NRG1: variants seen among roughly 807,000 people sequenced by gnomAD.
NRG1 encodes pro-neuregulin-1, membrane-bound isoform.
A neutral mutation model predicts 63.8 loss-of-function variants in NRG1; 18 were observed. The observed-to-expected ratio is 0.28, with a 90% confidence interval of 0.19 to 0.42. The LOEUF (loss-of-function observed/expected upper bound fraction) is 0.42, where lower values mean the gene tolerates loss of function less well. Among genes scored for constraint, NRG1 ranks in the 10% least tolerant of loss-of-function variants. The pLI, the probability that NRG1 is intolerant of heterozygous loss-of-function variation, is 1.00. For synonymous variants in NRG1, 302 were observed against 301.3 expected, an observed-to-expected ratio of 1.00 and a Z score of -0.02; for missense variants, 762 against 814.7, an observed-to-expected ratio of 0.94 and a Z score of 0.79.
At chr8:32,539,081 G>A (rs926753933) in intron 1 of NRG1, among the ~76,000 whole-genome samples, 1 of 152,110 alleles carries the variant, frequency 6.6e-6, no homozygotes, top group African/African-American at 2.4e-5. Flanking sequence ...GAAAATATAA[G>A]AGGCTAGAAA....
At chr8:31,860,906 T>C (rs1330603839) in intron 1 of NRG1, among the ~76,000 whole-genome samples, 2 of 152,146 alleles carry the variant, frequency 1.3e-5, no homozygotes, top group Admixed American at 6.6e-5. Context: ...CAGTGTCGAA[T>C]AGGGTAGGAG....
intron 1 of NRG1, among the ~76,000 whole-genome samples, chr8:31,851,496 A>G (rs1364222475): frequency 3.3e-5 from 5 of 152,208 alleles, no homozygotes; most frequent in Admixed American, 2.6e-4. Flanking sequence ...ATTACACTGA[A>G]AGGCATTTTA....
intron 5 of NRG1, among the ~76,000 whole-genome samples, chr8:32,692,418 G>C (rs1811994019): frequency 1.3e-5 from 2 of 152,126 alleles, no homozygotes; most frequent in African/African-American, 4.8e-5. Context: ...CAATCTAACT[G>C]TTTTGCTTCC....
At position 32,078,581 on chromosome 8, in the gene NRG1, T is replaced by C. The variant is rs145975314; in HGVS notation, c.37+439150T>C. 3.2e-3 allele frequency among the ~76,000 whole-genome samples: 486 copies of C among 152,304 alleles called. 1 individual carries two copies. The highest frequency in any genetic ancestry group is 0.011 in the African/African-American group (471 of 41,570). Reference sequence around the variant, plus strand: ...GTTCTAGGGTAGCCCCTGGTATCCATTGAAGACTCTGACCGTGAGCTCTGC... The same window carrying C: ...GTTCTAGGGTAGCCCCTGGTATCCACTGAAGACTCTGACCGTGAGCTCTGC... On this transcript the variant is annotated intron_variant, in intron 1 of 10. Coordinates refer to the NRG1 transcript ENST00000519301.
intron 1 of NRG1, among the ~76,000 whole-genome samples, chr8:31,978,847 T>C (rs1808616405): frequency 6.6e-6 from 1 of 152,186 alleles, no homozygotes; most frequent in South Asian, 2.1e-4. Context: ...TCATAATTAA[T>C]CATATAGTTC....
At chr8:31,840,589 A>G (rs1180486116) in intron 1 of NRG1, among the ~76,000 whole-genome samples, 1 of 152,084 alleles carries the variant, frequency 6.6e-6, no homozygotes, top group Non-Finnish European at 1.5e-5. Context: ...TACTTGATCC[A>G]TAATCTTCTG....
At chr8:32,173,255 A>C (rs1462363664) in intron 1 of NRG1, among the ~76,000 whole-genome samples, 1 of 152,132 alleles carries the variant, frequency 6.6e-6, no homozygotes, top group East Asian at 1.9e-4. Context: ...TCATAAGTGA[A>C]GGAGAAATAA....
chr8:31,797,703 A>G (rs1345732616), intron 1 of NRG1, among the ~76,000 whole-genome samples: 1 of 152,166 alleles, frequency 6.6e-6, no homozygotes, highest in Non-Finnish European at 1.5e-5. Context: ...AGCACTGTAT[A>G]TTTATTTATT....
At chr8:32,733,373 A>G (rs1446163625) in intron 6 of NRG1, among the ~76,000 whole-genome samples, 1 of 152,238 alleles carries the variant, frequency 6.6e-6, no homozygotes, top group Admixed American at 6.5e-5. Flanking sequence ...TATAAGAGAC[A>G]GGTATGAAAA....
At chr8:31,843,403 C>A (rs1445948401) in intron 1 of NRG1, among the ~76,000 whole-genome samples, 1 of 152,132 alleles carries the variant, frequency 6.6e-6, no homozygotes, top group Non-Finnish European at 1.5e-5. Context: ...AACATTTCTC[C>A]AATTTTCAGC....
chr8:32,006,594 G>A (rs902346111), intron 1 of NRG1, among the ~76,000 whole-genome samples: 1 of 151,978 alleles, frequency 6.6e-6, no homozygotes, highest in African/African-American at 2.4e-5. Flanking sequence ...GTGTATAAAG[G>A]ACTTGAGCTG....
chr8:31,716,127 T>A (rs1812323926), intron 1 of NRG1, among the ~76,000 whole-genome samples: 1 of 152,196 alleles, frequency 6.6e-6, no homozygotes, highest in Non-Finnish European at 1.5e-5. Context: ...GTAATGATAG[T>A]CAGAGGGAGA....
chr8:32,106,862 G>A (rs557945502), intron 1 of NRG1, among the ~76,000 whole-genome samples: 49 of 152,156 alleles, frequency 3.2e-4, no homozygotes, highest in Non-Finnish European at 6.0e-4. Flanking sequence ...CTGTAAATAT[G>A]ATTTTAAAGG....
At chr8:32,388,595 G>A (rs1811316055) in intron 1 of NRG1, among the ~76,000 whole-genome samples, 6 of 151,966 alleles carry the variant, frequency 3.9e-5, no homozygotes, top group Admixed American at 3.9e-4. Flanking sequence ...CCCCACAGTA[G>A]ACCATACACA....
At chr8:32,402,627 G>A (rs576976325) in intron 1 of NRG1, among the ~76,000 whole-genome samples, 1 of 152,248 alleles carries the variant, frequency 6.6e-6, no homozygotes, top group South Asian at 2.1e-4. Flanking sequence ...GGGGGTGCTT[G>A]TGTTGAAGTC....
intron 1 of NRG1, among the ~76,000 whole-genome samples, chr8:31,856,785 G>A (rs1019980299): frequency 6.6e-6 from 1 of 152,162 alleles, no homozygotes; most frequent in African/African-American, 2.4e-5. Context: ...GTACAGATGG[G>A]TTTTTGGTGT....
chr8:32,764,341 A>G (rs777030039), exon 12 of NRG1: 3 of 1,613,310 alleles, frequency 1.9e-6, no homozygotes, highest in Admixed American at 1.7e-5. Flanking sequence ...TTCTCGACAC[A>G]GGAAGAAATC....
chr8:31,873,954 C>T (rs1182265575), intron 1 of NRG1, among the ~76,000 whole-genome samples: 2 of 152,026 alleles, frequency 1.3e-5, no homozygotes, highest in Admixed American at 1.3e-4. Flanking sequence ...TTTCATTTTG[C>T]TTGTTCCTGT....
At chr8:32,493,311 T>A (rs1283401278) in intron 1 of NRG1, among the ~76,000 whole-genome samples, 2 of 152,172 alleles carry the variant, frequency 1.3e-5, no homozygotes, top group African/African-American at 4.8e-5. Flanking sequence ...GAGTCTGGAT[T>A]AGAGCTGCTT....
Sources: gnomAD v4.1 joint callset for allele counts (sites outside exome capture counted in the v4.1 genomes callset) on GRCh38, gnomAD v4.1.1 for gene constraint, MANE v1.5 for transcripts, NCBI Gene and HGNC (gene_info 2026-07-23, HGNC 2026-07-21) for gene names.